The following POGZ variants were observed in gnomAD, a reference collection of about 807,000 sequenced individuals.
The protein encoded by POGZ is pogo transposable element with ZNF domain.
A neutral mutation model predicts 134.6 loss-of-function variants in POGZ; 17 were observed. The ratio of observed to expected loss-of-function variants is 0.13; its 90% CI spans 0.09 to 0.19. POGZ has a LOEUF of 0.19. Among genes scored for constraint, POGZ ranks in the 10% least tolerant of loss-of-function variants. POGZ has a pLI of 1.00. For synonymous variants in POGZ, 693 were observed against 657.1 expected, an observed-to-expected ratio of 1.05 and a Z score of -0.84; for missense variants, 1,306 against 1,769.7, an observed-to-expected ratio of 0.74 and a Z score of 4.70.
In POGZ at chr1:151,424,948, C is replaced by G; in HGVS notation, c.1185+7G>C. On this transcript the variant is annotated splice_region_variant and intron_variant, in intron 8 of 18. Transcript: ENST00000271715. ...ACTTAAGCTGGATCACAGGTGATAT[C>G]ACTTACACACATGTGACCTCTCAAA... 1 of 1,446,708 alleles carries G rather than the reference C, an allele frequency of 6.9e-7. No homozygotes were observed. The highest frequency in any genetic ancestry group is 1.4e-5 in the African/African-American group (1 of 71,970). 89.6% of individuals were successfully genotyped at this position (1,446,708 alleles called of 1,614,324 possible). A position where few individuals can be genotyped will look rare whatever the true frequency, so the allele number is the denominator to read the frequency against.
At chr1:151,416,210 CAAA>C (rs1212371839) in intron 10 of POGZ, among the ~76,000 whole-genome samples, 5 of 42,788 alleles carry the variant, frequency 1.2e-4, no homozygotes, top group African/African-American at 5.3e-4. Context: ...AACTCCATCT[CAAA>C]AAAAAAAAAA....
At chr1:151,429,751 A>G (rs780115017) in intron 4 of POGZ, 40 bp from the exon 5 acceptor site, 9 of 1,155,306 alleles carry the variant, frequency 7.8e-6, no homozygotes, top group African/African-American at 7.6e-5. Context: ...ATGGAGACCA[A>G]TTAACACTGA....
intron 1 of POGZ, among the ~76,000 whole-genome samples, chr1:151,448,867 AAAACAAAC>A (rs58342858): frequency 0.08 from 12,149 of 152,036 alleles, 1,300 homozygotes; most frequent in East Asian, 0.44. Context: ...CCTGTTCTCA[AAAACAAAC>A]AAACAAACAA....
chr1:151,435,173 T>C (rs907898298), intron 3 of POGZ, among the ~76,000 whole-genome samples: 1 of 152,216 alleles, frequency 6.6e-6, no homozygotes, highest in Non-Finnish European at 1.5e-5. Flanking sequence ...AGTGCTAGGA[T>C]TATAGGCGTG....
intron 12 of POGZ, among the ~76,000 whole-genome samples, chr1:151,409,402 TC>T (rs1654265382): frequency 7.6e-5 from 2 of 26,444 alleles, no homozygotes; most frequent in Non-Finnish European, 9.1e-4. Flanking sequence ...TGAGACAGGG[TC>T]TCTCTCTGTA....
intron 10 of POGZ, among the ~76,000 whole-genome samples, chr1:151,416,988 A>G (rs1013413617): frequency 1.3e-5 from 2 of 152,096 alleles, no homozygotes; most frequent in African/African-American, 4.8e-5. Flanking sequence ...ATCCACTGAT[A>G]TTCTGGGGAC....
rs182719075 is a variant in POGZ at position 151,404,829 on chromosome 1, T to G, written c.4206A>C (p.Glu1402Asp). ...SETESFYGFE[E>D]ADLDLMEI ...AAATCTCCATCAGATCTAGGTCAGC[T>G]TCTTCAAAGCCATAGAAAGACTCGG... Residue 1402 changes from glutamate to aspartate, a missense_variant, in exon 19 of 19, where the codon GAA becomes GAC. Around this residue, in one of 10 missense-constraint regions of POGZ, gnomAD observed 107 missense variants for 97.9 expected, o/e 1.09. Transcript: ENST00000271715. The G allele has an allele frequency of 2.5e-6, 4 of 1,611,390 alleles. No individual in the cohort carries two copies. The highest frequency in any genetic ancestry group is 1.7e-5 in the Admixed American group (1 of 59,786).
At chr1:151,431,818 T>C (rs1658743298) in intron 3 of POGZ, among the ~76,000 whole-genome samples, 1 of 152,168 alleles carries the variant, frequency 6.6e-6, no homozygotes, top group Non-Finnish European at 1.5e-5. Context: ...TTTCCTGATT[T>C]ACAAAGTATA....
intron 2 of POGZ, 99 bp downstream of exon 2, chr1:151,441,982 T>C: frequency 1.2e-6 from 1 of 850,554 alleles, no homozygotes; most frequent in Non-Finnish European, 1.8e-6. Flanking sequence ...GAGGTCTCCC[T>C]GGATTCTTCA....
intron 4 of POGZ, 99 bp from the exon 5 acceptor site, chr1:151,429,810 A>G: frequency 1.8e-6 from 1 of 550,284 alleles, no homozygotes; most frequent in South Asian, 2.7e-5. Context: ...CCATACTCTT[A>G]CTTAATGGTT....
intron 10 of POGZ, among the ~76,000 whole-genome samples, chr1:151,420,067 A>G (rs1656623889): frequency 6.6e-6 from 1 of 152,142 alleles, no homozygotes; most frequent in Non-Finnish European, 1.5e-5. Flanking sequence ...ATATGCCTAC[A>G]GTCCCAGCTA....
Position 151,407,267 on chromosome 1 carries a change from G to C in POGZ, c.2400C>G (p.Pro800=). The C allele has an allele frequency of 1.9e-6, 3 of 1,609,778 alleles. No individual in the cohort carries two copies. Among genetic ancestry groups the C allele is most frequent in the Non-Finnish European group, 2.5e-6 (3 of 1,178,134 alleles). The change falls in exon 16 of 19, where the codon CCC becomes CCG. Residue 800 remains proline, a synonymous_variant. Coordinates refer to ENST00000271715, the MANE Select transcript of POGZ (RefSeq NM_015100.4). ...MINNHVPRKS[P]KYLALFKNSV... is the part of the protein sequence containing the mutation. ...AATTTTTAAACAAAGCCAAATACTT[G>C]GGGCTCTTCCGTGGAACATGATTGC...
chr1:151,417,437 T>C (rs938486282), intron 10 of POGZ, among the ~76,000 whole-genome samples: 3 of 151,624 alleles, frequency 2.0e-5, no homozygotes, highest in East Asian at 1.9e-4. Context: ...CTCAGCTTAC[T>C]GCAACCTCCG....
chr1:151,419,761 T>C (rs1452793473), intron 10 of POGZ, among the ~76,000 whole-genome samples: 2 of 146,544 alleles, frequency 1.4e-5, no homozygotes, highest in African/African-American at 2.5e-5. Flanking sequence ...AAGAATAAAA[T>C]TGATATATGC....
chr1:151,450,562 A>C (rs34884031), intron 1 of POGZ, among the ~76,000 whole-genome samples: 23,781 of 152,090 alleles, frequency 0.16, 2,158 homozygotes, highest in East Asian at 0.34. Flanking sequence ...CATATTGCCC[A>C]GGCTGGTCTT....
At chr1:151,411,829 T>TA (rs200582720) in intron 11 of POGZ, 58 bp from the exon 12 acceptor site, 4,806 of 1,343,914 alleles carry the variant, frequency 3.6e-3, no homozygotes, top group South Asian at 4.6e-3. Flanking sequence ...TGAGAGGCCT[T>TA]AAAAAAAAAG....
At position 151,444,042 on chromosome 1, in the gene POGZ, T is replaced by A. The variant is rs78329915; in HGVS notation, c.-1-1837A>T. Among the ~76,000 whole-genome samples the A allele has an allele frequency of 9.8e-3, 1,497 of 152,344 alleles. 12 individuals carry two copies. Among genetic ancestry groups the A allele is most frequent in the Middle Eastern group, 0.02 (6 of 294 alleles). On this transcript the variant is annotated intron_variant, in intron 1 of 18. Transcript: ENST00000271715. ...TTTGCAAGAAGCCCAACAGATGGCA[T>A]TGTTTCGCTTGAAAATTGAAAACAA...
chr1:151,456,188 C>T (rs1240845472), intron 1 of POGZ, among the ~76,000 whole-genome samples: 1 of 152,142 alleles, frequency 6.6e-6, no homozygotes, highest in Non-Finnish European at 1.5e-5. Context: ...ATGCATTGGT[C>T]ATTTGCAAAG....
At position 151,406,907 on chromosome 1, in the gene POGZ, T is replaced by G; in HGVS notation, c.2545+4A>C. 6.2e-7 allele frequency: 1 copy of G among 1,606,524 alleles called. No individual in the cohort carries two copies. Among genetic ancestry groups the G allele is most frequent in the Non-Finnish European group, 8.5e-7 (1 of 1,173,028 alleles). ...CTCAACTAATCCCCTTCTCTCCTAC[T>G]TACCCCGTGGCAGGATGCTGCTGGA... On this transcript the variant is annotated splice_donor_region_variant and intron_variant, in intron 17 of 18. Coordinates refer to ENST00000271715, the MANE Select transcript of POGZ (RefSeq NM_015100.4).
Sources: allele counts gnomAD v4.1 joint callset (sites outside exome capture counted in the v4.1 genomes callset), GRCh38; gene constraint gnomAD v4.1.1; regional missense constraint gnomAD v4.1.1; transcripts MANE v1.5; gene names NCBI Gene and HGNC (gene_info 2026-07-23, HGNC 2026-07-21).